The following PRR16 variants were observed in gnomAD, a reference collection of about 807,000 sequenced individuals.
The protein encoded by PRR16 is protein Largen.
Under a neutral mutation model 18.2 loss-of-function variants are expected in PRR16, and 6 were observed. The observed-to-expected ratio is 0.33, with a 90% CI of 0.18 to 0.65. The LOEUF is 0.65. PRR16 is among the 30% of genes least tolerant of loss of function. The pLI is 0.74. For synonymous variants in PRR16, 151 were observed against 147.8 expected (o/e 1.02, Z -0.16); for missense variants, 412 against 376.6 (o/e 1.09, Z -0.78).
At chr5:120,764,292 C>T in the PRR16 span, among the ~76,000 whole-genome samples, 1 of 151,548 alleles carries the variant, frequency 6.6e-6, no homozygotes, top group Non-Finnish European at 1.5e-5. Flanking sequence ...TTACCAAATG[C>T]GTTTTCTGCA....
Position 120,601,860 on chromosome 5 carries a change from G to A in PRR16, c.160-84094G>A, listed in dbSNP as rs143622113. Reference sequence around the variant, plus strand: ...GCTTGTTGTTGTCACCTTTGTCAAAGGTCAGATGGTTATAGATGAGTGGCT... The same window carrying A: ...GCTTGTTGTTGTCACCTTTGTCAAAAGTCAGATGGTTATAGATGAGTGGCT... On this transcript the variant is annotated intron_variant, in intron 1 of 1. Coordinates refer to ENST00000407149, the MANE Select transcript of PRR16 (RefSeq NM_001300783.2). Among the ~76,000 whole-genome samples, 832 of 152,046 alleles carry A rather than the reference G, an allele frequency of 5.5e-3. 42 individuals are homozygous for A. The highest frequency in any genetic ancestry group is 0.051 in the Admixed American group (784 of 15,244).
chr5:120,682,747 C>T lies in PRR16; in HGVS notation c.160-3207C>T, dbSNP rs187718327. Among the ~76,000 whole-genome samples, 11 of 152,334 alleles carry T rather than the reference C, an allele frequency of 7.2e-5. No homozygotes were observed. The East Asian group carries it at 2.1e-3, about 29-fold the overall frequency. The stretch of plus-strand genomic sequence containing the variant: ...GAGAATATGCAACCAACTCAGTGGT[C>T]ATTTATGGATAAATTCTTTCCTTCC... On this transcript the variant is annotated intron_variant, in intron 1 of 1. Transcript: ENST00000407149.
chr5:120,666,111 C>G (rs1246172394), intron 1 of PRR16, among the ~76,000 whole-genome samples: 2 of 151,964 alleles, frequency 1.3e-5, no homozygotes, highest in African/African-American at 2.4e-5. Context: ...TCTTCCATTT[C>G]TTTGTATCCT....
the PRR16 span, among the ~76,000 whole-genome samples, chr5:120,760,636 TAATA>T: frequency 0.26 from 39,801 of 151,860 alleles, 5,514 homozygotes; most frequent in Non-Finnish European, 0.3. Context: ...AGACTTTACC[TAATA>T]AATACTTTCA....
the PRR16 span, among the ~76,000 whole-genome samples, chr5:120,735,987 T>C: frequency 1.3e-5 from 2 of 152,162 alleles, no homozygotes; most frequent in Admixed American, 1.3e-4. Flanking sequence ...GTGAATTAAT[T>C]TGTGTACACC....
chr5:120,639,207 T>A (rs1394767586), intron 1 of PRR16, among the ~76,000 whole-genome samples: 1 of 152,134 alleles, frequency 6.6e-6, no homozygotes, highest in Non-Finnish European at 1.5e-5. Context: ...TGGTTTTAAT[T>A]TATTTTTATT....
intron 1 of PRR16, among the ~76,000 whole-genome samples, chr5:120,538,178 G>A (rs747657260): frequency 2.0e-5 from 3 of 152,164 alleles, no homozygotes; most frequent in Non-Finnish European, 2.9e-5. Flanking sequence ...TTTCATTTAT[G>A]TTGAATACTT....
At chr5:120,496,441 T>G (rs1463644494) in intron 1 of PRR16, among the ~76,000 whole-genome samples, 1 of 152,068 alleles carries the variant, frequency 6.6e-6, no homozygotes, top group South Asian at 2.1e-4. Context: ...AGGTAGTTTA[T>G]GTTTTTCAAG....
chr5:120,666,854 A>G (rs1260030525), intron 1 of PRR16, among the ~76,000 whole-genome samples: 62 of 147,122 alleles, frequency 4.2e-4, no homozygotes, highest in African/African-American at 1.4e-3. Context: ...TGCTGGATTC[A>G]GTTTGCCAGT....
At position 120,489,637 on chromosome 5, in the gene PRR16, A is replaced by G. The variant is rs2112824026; in HGVS notation, c.159+24992A>G. 1.3e-5 allele frequency among the ~76,000 whole-genome samples: 2 copies of G among 152,252 alleles called. 1 individual carries two copies. The highest frequency in any genetic ancestry group is 1.3e-4 in the Admixed American group (2 of 15,300). ...CCATTCTGTGTCTTTTAATTGCAGC[A>G]TTTAGCCCATTTACATTTAAGGTTA... is the stretch of plus-strand genomic sequence containing the variant. On this transcript the variant is annotated intron_variant, in intron 1 of 1. Coordinates refer to ENST00000407149, the MANE Select transcript of PRR16 (RefSeq NM_001300783.2).
intron 1 of PRR16, among the ~76,000 whole-genome samples, chr5:120,604,625 T>G (rs1157220637): frequency 2.0e-5 from 3 of 152,132 alleles, no homozygotes; most frequent in Non-Finnish European, 4.4e-5. Context: ...CTTGATTGTA[T>G]AGTTGCTTTA....
chr5:120,638,164 T>C (rs112948146), intron 1 of PRR16, among the ~76,000 whole-genome samples: 79 of 152,262 alleles, frequency 5.2e-4, no homozygotes, highest in African/African-American at 1.9e-3. Flanking sequence ...GCGTTTTCAC[T>C]GTGACCTGTC....
At chr5:120,717,550 A>G in the PRR16 span, among the ~76,000 whole-genome samples, 2 of 152,160 alleles carry the variant, frequency 1.3e-5, no homozygotes, top group African/African-American at 2.4e-5. Context: ...CTACTTATCC[A>G]CTGGCTGAAA....
chr5:120,705,924 A>C, the PRR16 span, among the ~76,000 whole-genome samples: 6 of 152,156 alleles, frequency 3.9e-5, no homozygotes, highest in Non-Finnish European at 8.8e-5. Flanking sequence ...TTGGTACATC[A>C]CTGGTTGCTT....
intron 1 of PRR16, among the ~76,000 whole-genome samples, chr5:120,638,385 A>T (rs1383311109): frequency 6.6e-6 from 1 of 152,152 alleles, no homozygotes; most frequent in Non-Finnish European, 1.5e-5. Flanking sequence ...AGCTGCTTAA[A>T]CAATGTATTT....
chr5:120,715,774 G>T, the PRR16 span, among the ~76,000 whole-genome samples: 1 of 152,152 alleles, frequency 6.6e-6, no homozygotes, highest in Non-Finnish European at 1.5e-5. Flanking sequence ...TTTGGAATTT[G>T]TTGCTGTTCT....
chr5:120,633,171 A>T (rs1417209936), intron 1 of PRR16, among the ~76,000 whole-genome samples: 8 of 152,168 alleles, frequency 5.3e-5, no homozygotes, highest in Non-Finnish European at 1.2e-4. Context: ...TTTCCAGACA[A>T]GCAAATGCTG....
chr5:120,501,975 A>G (rs967561418), intron 1 of PRR16, among the ~76,000 whole-genome samples: 14 of 150,188 alleles, frequency 9.3e-5, no homozygotes, highest in Admixed American at 6.0e-4. Flanking sequence ...AAAAAAAAAA[A>G]AAAAAAAGAA....
intron 1 of PRR16, among the ~76,000 whole-genome samples, chr5:120,624,990 A>T (rs759194612): frequency 6.6e-6 from 1 of 152,120 alleles, no homozygotes; most frequent in Non-Finnish European, 1.5e-5. Flanking sequence ...TGCCGCCATG[A>T]TTGTGAGACC....
Sources: gnomAD v4.1 joint callset for allele counts (sites outside exome capture counted in the v4.1 genomes callset) on GRCh38, gnomAD v4.1.1 for gene constraint, MANE v1.5 for transcripts, NCBI Gene and HGNC (gene_info 2026-07-23, HGNC 2026-07-21) for gene names.